FMN1: variants seen among roughly 807,000 people sequenced by gnomAD.
The protein encoded by FMN1 is formin 1.
FMN1 carries 110 observed loss-of-function variants against 132.4 expected under a neutral mutation model. The ratio of observed to expected loss-of-function variants is 0.83; its 90% CI spans 0.71 to 0.97. The LOEUF (loss-of-function observed/expected upper bound fraction) is 0.97. FMN1 is among the 50% of genes least tolerant of loss of function. FMN1 has a pLI of 0.00. For missense variants in FMN1, 1,792 were observed against 1,705.3 expected (o/e 1.05, Z -0.90); for synonymous variants, 722 against 651.7 (o/e 1.11, Z -1.64).
At chr15:32,895,777 T>C (rs572676122) in intron 15 of FMN1, among the ~76,000 whole-genome samples, 1 of 152,316 alleles carries the variant, frequency 6.6e-6, no homozygotes, top group African/African-American at 2.4e-5. Flanking sequence ...TCATTGTCTA[T>C]TATGTTGTAA....
At chr15:33,098,628 G>A (rs558572065) in intron 4 of FMN1, among the ~76,000 whole-genome samples, 5 of 152,258 alleles carry the variant, frequency 3.3e-5, no homozygotes, top group Admixed American at 6.5e-5. Flanking sequence ...CACACCTCAC[G>A]CAGGTAGACA....
chr15:32,910,594 TG>T, intron 10 of FMN1, 59 bp from the exon 11 acceptor site: 1 of 1,236,660 alleles, frequency 8.1e-7, no homozygotes, highest in Non-Finnish European at 1.2e-6. Context: ...CCTGCACCAA[TG>T]TTTACTCCAC....
chr15:32,865,941 G>A (rs2059382712), intron 16 of FMN1, among the ~76,000 whole-genome samples: 1 of 151,854 alleles, frequency 6.6e-6, no homozygotes, highest in Admixed American at 6.6e-5. Flanking sequence ...GCTAACTTTT[G>A]GAAAATTAAA....
chr15:33,188,072 T>C (rs1193331831), intron 2 of FMN1, among the ~76,000 whole-genome samples: 1 of 152,092 alleles, frequency 6.6e-6, no homozygotes, highest in African/African-American at 2.4e-5. Context: ...CGGTGGCTCA[T>C]GCCTGTAATC....
intron 16 of FMN1, among the ~76,000 whole-genome samples, chr15:32,886,835 T>C (rs902665598): frequency 6.6e-6 from 1 of 152,192 alleles, no homozygotes; most frequent in Non-Finnish European, 1.5e-5. Flanking sequence ...TGCTAGCTGG[T>C]AGCTTACTAC....
chr15:33,182,663 G>T (rs149412697), intron 2 of FMN1, among the ~76,000 whole-genome samples: 2 of 152,172 alleles, frequency 1.3e-5, no homozygotes, highest in African/African-American at 4.8e-5. Context: ...GCATCTCAGC[G>T]GGATCTCTCC....
At chr15:32,917,399 C>T (rs948842986) in intron 10 of FMN1, among the ~76,000 whole-genome samples, 3 of 152,170 alleles carry the variant, frequency 2.0e-5, no homozygotes, top group Non-Finnish European at 4.4e-5. Flanking sequence ...CCAAATGAGA[C>T]GCTTAAGGGC....
intron 17 of FMN1, among the ~76,000 whole-genome samples, chr15:32,816,069 T>C (rs1379669578): frequency 6.6e-6 from 1 of 152,026 alleles, no homozygotes; most frequent in East Asian, 1.9e-4. Context: ...ATACCGATTA[T>C]GATAATGACT....
chr15:32,901,574 C>T (rs2060297384), intron 13 of FMN1, among the ~76,000 whole-genome samples: 1 of 152,308 alleles, frequency 6.6e-6, no homozygotes, highest in Middle Eastern at 3.4e-3. Context: ...AAAATCTCTT[C>T]TGCAATCCAA....
chr15:33,128,722 A>C (rs1406026648), intron 4 of FMN1, among the ~76,000 whole-genome samples: 1 of 152,224 alleles, frequency 6.6e-6, no homozygotes, highest in Non-Finnish European at 1.5e-5. Context: ...GGTAAGTGTG[A>C]CAGCTCTTAA....
chr15:32,888,579 T>TG (rs1387215111), intron 15 of FMN1, among the ~76,000 whole-genome samples: 1 of 152,218 alleles, frequency 6.6e-6, no homozygotes, highest in Non-Finnish European at 1.5e-5. Context: ...GTCCTGATCT[T>TG]GGACACTCCA....
In FMN1 at chr15:32,976,256, G is replaced by A. The variant is rs1596380562; in HGVS notation, c.2224-6779C>T. ...CTGCATGGAGGCTCAACAAAGCTTT[G>A]TCACCTCTGAAAAGTGCAGCGTGAG... On this transcript the variant is annotated intron_variant, in intron 7 of 20. Transcript: ENST00000616417. Among the ~76,000 whole-genome samples, 4 of 152,198 alleles carry A rather than the reference G, an allele frequency of 2.6e-5. 1 individual carries two copies. Among genetic ancestry groups the A allele is most frequent in the Middle Eastern group, 6.8e-3 (2 of 294 alleles).
chr15:32,833,006 T>G (rs961646448), intron 17 of FMN1, among the ~76,000 whole-genome samples: 2 of 152,170 alleles, frequency 1.3e-5, no homozygotes, highest in Admixed American at 6.5e-5. Context: ...TTTGTCCTTC[T>G]AAAGTGTTAG....
At chr15:33,048,883 C>T (rs1197637298) in intron 6 of FMN1, among the ~76,000 whole-genome samples, 1 of 152,116 alleles carries the variant, frequency 6.6e-6, no homozygotes, top group Non-Finnish European at 1.5e-5. Flanking sequence ...GTCCCTCCCA[C>T]AACACATGGG....
At chr15:32,979,701 A>C (rs1394059871) in intron 7 of FMN1, among the ~76,000 whole-genome samples, 1 of 151,644 alleles carries the variant, frequency 6.6e-6, no homozygotes, top group African/African-American at 2.4e-5. Context: ...TATTTTTACT[A>C]TTATTATTCA....
At chr15:32,816,243 A>G (rs747120091) in intron 17 of FMN1, among the ~76,000 whole-genome samples, 1 of 152,196 alleles carries the variant, frequency 6.6e-6, no homozygotes, top group Non-Finnish European at 1.5e-5. Flanking sequence ...CTAGACCCAC[A>G]TACCACAAAA....
intron 6 of FMN1, among the ~76,000 whole-genome samples, chr15:33,040,003 G>A (rs345888): frequency 0.56 from 85,819 of 151,922 alleles, 24,498 homozygotes; most frequent in Admixed American, 0.62. Context: ...GGCTCCCCCA[G>A]CTGTCTACAG....
chr15:32,809,246 G>A (rs1328823355), intron 17 of FMN1, among the ~76,000 whole-genome samples: 1 of 151,944 alleles, frequency 6.6e-6, no homozygotes, highest in East Asian at 1.9e-4. Flanking sequence ...CTTTTTTTGA[G>A]AGGTTAAGTT....
intron 9 of FMN1, among the ~76,000 whole-genome samples, chr15:32,960,575 A>G (rs1164876575): frequency 1.3e-5 from 2 of 152,174 alleles, no homozygotes; most frequent in Non-Finnish European, 2.9e-5. Context: ...CAGTGGGAAA[A>G]TCTGATTTGA....
Sources: gnomAD v4.1 joint callset for allele counts (sites outside exome capture counted in the v4.1 genomes callset) on GRCh38, gnomAD v4.1.1 for gene constraint, MANE v1.5 for transcripts, NCBI Gene and HGNC (gene_info 2026-07-23, HGNC 2026-07-21) for gene names.